The following CIROZ variants were observed in gnomAD, a reference collection of about 807,000 sequenced individuals.
CIROZ encodes the protein ciliated left-right organizer ZP-N domains-containing protein.
chr1:10,972,420 TACACACACACACACACAC>T, the CIROZ span, among the ~76,000 whole-genome samples: 2,316 of 131,800 alleles, frequency 0.018, 60 homozygotes, highest in African/African-American at 0.06. Context: ...GTCTCTGAAA[TACACACACACACACACAC>T]ACACACACAC....
At chr1:10,957,421 T>C in the CIROZ span, among the ~76,000 whole-genome samples, 1 of 152,234 alleles carries the variant, frequency 6.6e-6, no homozygotes, top group African/African-American at 2.4e-5. Flanking sequence ...GAATGCATGA[T>C]TGCAGGAGCC....
the CIROZ span, among the ~76,000 whole-genome samples, chr1:10,973,695 G>C: frequency 6.6e-6 from 1 of 152,140 alleles, no homozygotes. Context: ...GTTGGGACGG[G>C]AACTCCTTGG....
At chr1:10,950,517 C>T in the CIROZ span, among the ~76,000 whole-genome samples, 2 of 152,324 alleles carry the variant, frequency 1.3e-5, no homozygotes, top group East Asian at 3.9e-4. Flanking sequence ...CCTGCCTGAC[C>T]ACCTTTCAGG....
the CIROZ span, among the ~76,000 whole-genome samples, chr1:10,954,453 C>CA: frequency 3.2e-3 from 377 of 117,204 alleles, 2 homozygotes; most frequent in Non-Finnish European, 4.9e-3. Flanking sequence ...GACTCTGTCT[C>CA]AAAAAAAAAA....
chr1:10,979,786 G>A, the CIROZ span, among the ~76,000 whole-genome samples: 1 of 152,190 alleles, frequency 6.6e-6, no homozygotes, highest in Admixed American at 6.6e-5. Context: ...AGTGGCTCAC[G>A]CCTGTAATCC....
At chr1:10,976,190 C>T in the CIROZ span, 161 of 1,536,662 alleles carry the variant, frequency 1.0e-4, no homozygotes, top group Non-Finnish European at 1.4e-4. Context: ...TTGGCTTGTC[C>T]GTGTCTGACC....
chr1:10,976,642 G>A, the CIROZ span, among the ~76,000 whole-genome samples: 2 of 149,694 alleles, frequency 1.3e-5, no homozygotes, highest in East Asian at 2.0e-4. Flanking sequence ...GAGCCACCGC[G>A]TCCCGCCCAC....
the CIROZ span, among the ~76,000 whole-genome samples, chr1:10,958,560 G>A: frequency 7.2e-5 from 11 of 152,188 alleles, no homozygotes; most frequent in South Asian, 4.1e-4. Context: ...AACTTCAGCC[G>A]GCAAGACCTG....
the CIROZ span, among the ~76,000 whole-genome samples, chr1:10,967,929 G>A: frequency 3.3e-5 from 5 of 152,208 alleles, no homozygotes; most frequent in South Asian, 4.1e-4. Context: ...CGCCAAGGTC[G>A]CGCCACTGCA....
the CIROZ span, among the ~76,000 whole-genome samples, chr1:10,950,867 C>T: frequency 2.6e-5 from 4 of 152,156 alleles, no homozygotes; most frequent in East Asian, 7.7e-4. Context: ...CTTATATAAC[C>T]AGGTTCTCGT....
the CIROZ span, among the ~76,000 whole-genome samples, chr1:10,956,713 G>A: frequency 6.6e-6 from 1 of 151,890 alleles, no homozygotes; most frequent in Admixed American, 6.6e-5. Flanking sequence ...TCCTGACCTC[G>A]TAATCCACCC....
the CIROZ span, among the ~76,000 whole-genome samples, chr1:10,969,012 T>C: frequency 5.9e-5 from 9 of 152,286 alleles, no homozygotes; most frequent in African/African-American, 2.2e-4. Flanking sequence ...AAGTGGCCTT[T>C]TAATACACAA....
chr1:10,950,393 C>T, the CIROZ span, among the ~76,000 whole-genome samples: 1 of 152,186 alleles, frequency 6.6e-6, no homozygotes, highest in Non-Finnish European at 1.5e-5. Context: ...CTGGCCCTGA[C>T]TCCCTGTCCC....
chr1:10,962,757 A>G, the CIROZ span, among the ~76,000 whole-genome samples: 1 of 152,322 alleles, frequency 6.6e-6, no homozygotes, highest in South Asian at 2.1e-4. Flanking sequence ...TAGAATCGCT[A>G]TGAAGGTGAG....
chr1:10,949,041 A>G, the CIROZ span: 1 of 446,416 alleles, frequency 2.2e-6, no homozygotes, highest in African/African-American at 2.0e-5. Context: ...CCTGGCCAAC[A>G]TGGTGAAACC....
chr1:10,974,251 A>G, the CIROZ span, among the ~76,000 whole-genome samples: 1 of 151,976 alleles, frequency 6.6e-6, no homozygotes, highest in African/African-American at 2.4e-5. This position sits in a 1 kb window ranked among gnomAD's most constrained non-coding sequence, Gnocchi z 4.4. Flanking sequence ...CAATCAGCAC[A>G]CACTTTCTCC....
chr1:10,980,835 TC>T, the CIROZ span, among the ~76,000 whole-genome samples: 7 of 152,054 alleles, frequency 4.6e-5, no homozygotes, highest in Admixed American at 1.3e-4. Flanking sequence ...TGATGCTCCA[TC>T]CCCCAAAGCT....
At chr1:10,966,321 C>CT in the CIROZ span, 4 of 1,487,234 alleles carry the variant, frequency 2.7e-6, no homozygotes, top group African/African-American at 4.3e-5. Context: ...TTAAATCTCC[C>CT]TTTAAAAAAA....
chr1:10,978,647 T>C, the CIROZ span, among the ~76,000 whole-genome samples: 3 of 151,586 alleles, frequency 2.0e-5, no homozygotes, highest in African/African-American at 7.3e-5. Context: ...GAGGTCTAGG[T>C]TGCAATGAGC....
Sources: gnomAD v4.1 joint callset for allele counts (sites outside exome capture counted in the v4.1 genomes callset) on GRCh38, gnomAD v4.1.1 for gene constraint, Gnocchi (gnomAD v3.1) non-coding constraint, MANE v1.5 for transcripts, NCBI Gene and HGNC (gene_info 2026-07-23, HGNC 2026-07-21) for gene names.